Variants in KBTBD11 observed in about 807,000 individuals in gnomAD.
The protein encoded by KBTBD11 is kelch repeat and BTB domain containing 11.
For missense variants in KBTBD11, 1,390 were observed against 1,001.8 expected (o/e 1.39, Z -5.23); for synonymous variants, 747 against 499.0 (o/e 1.50, Z -6.63).
In KBTBD11 at chr8:2,003,131, G is replaced by GGAGGAGGAC; in HGVS notation, c.*69_*77dup. The GGAGGAGGAC allele has an allele frequency of 2.4e-6, 3 of 1,249,472 alleles. No homozygotes were observed. The highest frequency in any genetic ancestry group is 3.0e-6 in the Non-Finnish European group (3 of 989,828). The allele number at this position is 1,249,472 out of a possible 1,614,324, so 77.4% of individuals were successfully genotyped here. ...GGGGCCCAGGTCCCTTTGGGCCCGCGGAGGAGGACGTGGTGGGGAGTCGGG... is the reference window on the plus strand; with the variant it reads ...GGGGCCCAGGTCCCTTTGGGCCCGCGGAGGAGGACGAGGAGGACGTGGTGGGGAGTCGGG... On this transcript the variant is annotated 3_prime_UTR_variant, in exon 2 of 2. Coordinates refer to ENST00000320248, the MANE Select transcript of KBTBD11 (RefSeq NM_014867.3).
chr8:2,001,786 C>G lies in KBTBD11; in HGVS notation c.594C>G (p.Gly198=). Residue 198 remains glycine, a synonymous_variant, in exon 2 of 2, where the codon GGC becomes GGG. Transcript: ENST00000320248. ...LADAYSGRMA[G]VRPDNVAEVV... ...ACGCCTACAGCGGGCGCATGGCGGG[C>G]GTGCGGCCCGACAACGTGGCCGAGG... 7.9e-7 allele frequency: 1 copy of G among 1,261,722 alleles called. No individual in the cohort carries two copies. Among genetic ancestry groups the G allele is most frequent in the Non-Finnish European group, 9.9e-7 (1 of 1,007,108 alleles). The allele number at this position is 1,261,722 out of a possible 1,614,324, so 78.2% of individuals were successfully genotyped here. A position where few individuals can be genotyped will look rare whatever the true frequency, so the allele number is the denominator to read the frequency against.
Position 2,002,050 on chromosome 8 carries a change from C to T in KBTBD11, c.858C>T (p.Arg286=), listed in dbSNP as rs1290388499. ...LSGAERDLLL[R]RRLRAGRAHL... ...GCGCAGAGCGGGACCTGCTGCTGCG[C>T]CGCCGCCTGCGCGCCGGCCGCGCCC... The change falls in exon 2 of 2, where the codon CGC becomes CGT. Residue 286 remains arginine, a synonymous_variant. Transcript: ENST00000320248. The surrounding 1 kb of genome is among the most constrained non-coding windows in gnomAD (Gnocchi z 4.1). 2.5e-6 allele frequency: 3 copies of T among 1,198,026 alleles called. No homozygotes were observed. In the African/African-American group the frequency reaches 4.9e-5, roughly 19 times the overall value. 74.2% of individuals were successfully genotyped at this position (1,198,026 alleles called of 1,614,324 possible).
Position 2,001,845 on chromosome 8 carries a change from G to GCGCCGCGCAGCGCGCCACCGA in KBTBD11, c.659_679dup (p.Ala220_Ala226dup). On this transcript the variant is annotated inframe_insertion, in exon 2 of 2. Coordinates refer to ENST00000320248, the MANE Select transcript of KBTBD11 (RefSeq NM_014867.3). ...GGCGCGCGCCGCCTGCAGCTGCCCGGCGCCGCGCAGCGCGCCACCGACGCC... is the reference window on the plus strand; with the variant it reads ...GGCGCGCGCCGCCTGCAGCTGCCCGGCGCCGCGCAGCGCGCCACCGACGCCGCGCAGCGCGCCACCGACGCC... 1.6e-6 allele frequency: 2 copies of GCGCCGCGCAGCGCGCCACCGA among 1,242,404 alleles called. No homozygotes were observed. Among genetic ancestry groups the GCGCCGCGCAGCGCGCCACCGA allele is most frequent in the Non-Finnish European group, 2.0e-6 (2 of 992,230 alleles). 77.0% of individuals were successfully genotyped at this position (1,242,404 alleles called of 1,614,324 possible).
intron 1 of KBTBD11, chr8:1,974,794 A>C: frequency 1.5e-6 from 1 of 685,242 alleles, no homozygotes; most frequent in African/African-American, 1.9e-5. Context: ...AGTCCTACAA[A>C]ACCACGTTTC....
rs567729291 is a variant in KBTBD11 at position 2,002,048 on chromosome 8, C to T, written c.856C>T (p.Arg286Cys). 4 of 1,209,756 alleles carry T rather than the reference C, an allele frequency of 3.3e-6. No individual in the cohort carries two copies. The highest frequency in any genetic ancestry group is 3.0e-4 in the Middle Eastern group (1 of 3,296). 74.9% of individuals were successfully genotyped at this position (1,209,756 alleles called of 1,614,324 possible). The change falls in exon 2 of 2, where the codon CGC (arginine) becomes TGC (cysteine). Residue 286 changes from arginine (R) to cysteine (C), a missense_variant. Coordinates refer to ENST00000320248, the MANE Select transcript of KBTBD11 (RefSeq NM_014867.3). The surrounding 1 kb of genome is among the most constrained non-coding windows in gnomAD (Gnocchi z 4.1). ...GGGCGCAGAGCGGGACCTGCTGCTGCGCCGCCGCCTGCGCGCCGGCCGCGC... is the reference window on the plus strand; with the variant it reads ...GGGCGCAGAGCGGGACCTGCTGCTGTGCCGCCGCCTGCGCGCCGGCCGCGC... ...LSGAERDLLL[R>C]RRLRAGRAHL...
At position 2,002,621 on chromosome 8, in the gene KBTBD11, C is replaced by T. The variant is rs144532869; in HGVS notation, c.1429C>T (p.Arg477Cys). The T allele has an allele frequency of 4.5e-5, 71 of 1,583,418 alleles. No individual in the cohort carries two copies. The African/African-American group carries it at 7.9e-4, about 18-fold the overall frequency. ...FYRLLKYDPR[R>C]DEWQECPCSS... is the part of the protein sequence containing the mutation. ...TCGCCTGCTCAAGTATGACCCGCGG[C>T]GCGACGAGTGGCAGGAGTGCCCGTG... The change falls in exon 2 of 2, where the codon CGC becomes TGC. Residue 477 changes from arginine to cysteine, a missense_variant. By Grantham distance (180) the Arg-to-Cys change is radical. Transcript: ENST00000320248. The surrounding 1 kb of genome is among the most constrained non-coding windows in gnomAD (Gnocchi z 4.1).
intron 1 of KBTBD11, among the ~76,000 whole-genome samples, chr8:1,978,498 C>T (rs1337816137): frequency 4.6e-5 from 7 of 152,216 alleles, no homozygotes; most frequent in African/African-American, 1.7e-4. Context: ...CATGTACTCG[C>T]TGCAGCGTGG....
chr8:1,987,676 C>T (rs531906224), intron 1 of KBTBD11, among the ~76,000 whole-genome samples: 3 of 152,054 alleles, frequency 2.0e-5, no homozygotes, highest in East Asian at 1.9e-4. Flanking sequence ...GGAGGACGCA[C>T]CTGTCACCAC....
chr8:2,005,627 T>C lies in KBTBD11; in HGVS notation c.*2563T>C, dbSNP rs1365645594. On this transcript the variant is annotated 3_prime_UTR_variant, in exon 2 of 2. Coordinates refer to ENST00000320248, the MANE Select transcript of KBTBD11 (RefSeq NM_014867.3). ...GGTGTTCTAAGTCTGCGTCCAACAC[T>C]GTGTAGGAAAAAGGTTGGTGCAAAA... is the stretch of plus-strand genomic sequence containing the variant. 1 of 167,078 alleles carries C rather than the reference T, an allele frequency of 6.0e-6. No homozygotes were observed. The highest frequency in any genetic ancestry group is 2.4e-5 in the African/African-American group (1 of 41,458). The allele number at this position is 167,078 out of a possible 1,614,324, so 10.3% of individuals were successfully genotyped here.
In KBTBD11 at chr8:2,002,742, CG is replaced by C; in HGVS notation, c.1554del (p.Pro519ArgfsTer47). 1 of 1,492,610 alleles carries C rather than the reference CG, an allele frequency of 6.7e-7. No individual in the cohort carries two copies. Among genetic ancestry groups the C allele is most frequent in the Non-Finnish European group, 8.9e-7 (1 of 1,128,106 alleles). The allele number at this position is 1,492,610 out of a possible 1,614,324, so 92.5% of individuals were successfully genotyped here. On this transcript the variant is annotated frameshift_variant, in exon 2 of 2. Coordinates refer to ENST00000320248, the MANE Select transcript of KBTBD11 (RefSeq NM_014867.3). LOFTEE classifies it low-confidence loss of function (END_TRUNC). This position sits in a 1 kb window ranked among gnomAD's most constrained non-coding sequence, Gnocchi z 4.1. ...GGCAGCCGCGGCGAGGCGCAGGCGG[CG>C]GGGCCGAGCGGGGTCAGCGTGTCCC... Reference protein sequence around the residue: ...LSGSRGEAQAAGPSGVSVSRY... With the variant: ...LSGSRGEAQAXGPSGVSVSRY...
intron 1 of KBTBD11, among the ~76,000 whole-genome samples, chr8:1,995,561 C>T (rs1424755877): frequency 6.6e-6 from 1 of 152,096 alleles, no homozygotes; most frequent in Non-Finnish European, 1.5e-5. Context: ...CGGCCAGTTC[C>T]ACGGGGCATC....
chr8:1,993,201 C>G (rs1348883490), intron 1 of KBTBD11, among the ~76,000 whole-genome samples: 1 of 152,122 alleles, frequency 6.6e-6, no homozygotes, highest in African/African-American at 2.4e-5. Flanking sequence ...CCCACCTCAG[C>G]CTTCTGAAGT....
chr8:1,983,999 A>T (rs997281134), intron 1 of KBTBD11, among the ~76,000 whole-genome samples: 4 of 152,208 alleles, frequency 2.6e-5, no homozygotes, highest in Admixed American at 2.0e-4. Flanking sequence ...GCGTGGTGGC[A>T]GGCACCTTTA....
At chr8:1,984,271 C>A (rs1318575753) in intron 1 of KBTBD11, among the ~76,000 whole-genome samples, 2 of 137,118 alleles carry the variant, frequency 1.5e-5, no homozygotes, top group African/African-American at 2.8e-5. Flanking sequence ...GACCCCATCT[C>A]TAAAAAAGTT....
Position 2,001,013 on chromosome 8 carries a change from A to G in KBTBD11, c.-180A>G. 1.2e-6 allele frequency: 1 copy of G among 804,990 alleles called. No individual in the cohort carries two copies. Among genetic ancestry groups the G allele is most frequent in the Non-Finnish European group, 1.7e-6 (1 of 598,874 alleles). 49.9% of individuals were successfully genotyped at this position (804,990 alleles called of 1,614,324 possible). A position where few individuals can be genotyped will look rare whatever the true frequency, so the allele number is the denominator to read the frequency against. On this transcript the variant is annotated 5_prime_UTR_variant, in exon 2 of 2. Transcript: ENST00000320248. ...GAGGGCAAAGGCGAGGCGGGGGAGC[A>G]GCGTGTGAGATTCCCCCCTTCACAC... is the stretch of plus-strand genomic sequence containing the variant.
chr8:1,989,084 A>G (rs540392841), intron 1 of KBTBD11, among the ~76,000 whole-genome samples: 78 of 152,158 alleles, frequency 5.1e-4, no homozygotes, highest in Non-Finnish European at 1.0e-3. Flanking sequence ...TGGACATTTC[A>G]GGAGAGTCTT....
chr8:1,993,013 C>A (rs1036496368), intron 1 of KBTBD11, among the ~76,000 whole-genome samples: 1 of 152,136 alleles, frequency 6.6e-6, no homozygotes, highest in Non-Finnish European at 1.5e-5. Flanking sequence ...TCTTGACTCA[C>A]TGCAGCCTTG....
At chr8:1,993,612 C>G (rs974964273) in intron 1 of KBTBD11, among the ~76,000 whole-genome samples, 1 of 149,526 alleles carries the variant, frequency 6.7e-6, no homozygotes, top group African/African-American at 2.5e-5. Context: ...CACAGTCCAG[C>G]CTGTGCTAAT....
chr8:1,992,612 A>C (rs1372953198), intron 1 of KBTBD11, among the ~76,000 whole-genome samples: 1 of 152,108 alleles, frequency 6.6e-6, no homozygotes, highest in Non-Finnish European at 1.5e-5. Flanking sequence ...GAGTAAAAAA[A>C]AAAATTCATC....
Sources: gnomAD v4.1 joint callset for allele counts (sites outside exome capture counted in the v4.1 genomes callset) on GRCh38, gnomAD v4.1.1 for gene constraint, Gnocchi (gnomAD v3.1) non-coding constraint, MANE v1.5 for transcripts, NCBI Gene and HGNC (gene_info 2026-07-23, HGNC 2026-07-21) for gene names.